Variants in PSMD1 observed in about 807,000 individuals in gnomAD.
The protein encoded by PSMD1 is 26S proteasome non-ATPase regulatory subunit 1.
A neutral mutation model predicts 119.0 loss-of-function variants in PSMD1; 18 were observed. The observed-to-expected ratio is 0.15, with a 90% CI of 0.10 to 0.22. The LOEUF (loss-of-function observed/expected upper bound fraction) is 0.22, where lower values mean the gene tolerates loss of function less well. Ranked by LOEUF, PSMD1 falls within the 10% of genes least tolerant of loss-of-function variation. PSMD1 has a pLI of 1.00. For synonymous variants in PSMD1, 374 were observed against 396.6 expected, an observed-to-expected ratio of 0.94 and a Z score of 0.68; for missense variants, 702 against 1,158.5, an observed-to-expected ratio of 0.61 and a Z score of 5.72.
intron 16 of PSMD1, among the ~76,000 whole-genome samples, chr2:231,099,765 T>C (rs1297024296): frequency 6.6e-6 from 1 of 152,186 alleles, no homozygotes. Context: ...GAGGTTTGTG[T>C]GAGGTTCAAT....
intron 19 of PSMD1, among the ~76,000 whole-genome samples, chr2:231,159,404 T>A (rs1696582254): frequency 6.6e-6 from 1 of 152,166 alleles, no homozygotes; most frequent in Non-Finnish European, 1.5e-5. Context: ...GGACCTACAC[T>A]GTAGTAAGAT....
intron 16 of PSMD1, among the ~76,000 whole-genome samples, chr2:231,118,325 T>A (rs1695414605): frequency 6.6e-6 from 1 of 152,132 alleles, no homozygotes; most frequent in African/African-American, 2.4e-5. Flanking sequence ...ATCATCAGTA[T>A]GAAATAAGAG....
intron 7 of PSMD1, among the ~76,000 whole-genome samples, chr2:231,074,617 T>C (rs547262761): frequency 6.6e-6 from 1 of 152,272 alleles, no homozygotes; most frequent in South Asian, 2.1e-4. Context: ...ATATTTTATG[T>C]AATTTTCCTA....
At position 231,073,332 on chromosome 2, in the gene PSMD1, A is replaced by G. The variant is rs142054186; in HGVS notation, c.881+917A>G. ...CACAAGGACAAAGTGATCACATACT[A>G]TTGGAGAAGTGGCTCCAATAGACTT... On this transcript the variant is annotated intron_variant, in intron 7 of 24. Transcript: ENST00000308696. Among the ~76,000 whole-genome samples, 97 of 152,354 alleles carry G rather than the reference A, an allele frequency of 6.4e-4. 1 individual carries two copies. Among genetic ancestry groups the G allele is most frequent in the East Asian group, 4.6e-3 (24 of 5,194 alleles).
At chr2:231,165,032 A>ATTTT (rs1474100150) in intron 21 of PSMD1, 168 bp from the exon 22 acceptor site, 3 of 23,340 alleles carry the variant, frequency 1.3e-4, no homozygotes, top group Non-Finnish European at 1.9e-4. Flanking sequence ...ATTTATATAT[A>ATTTT]TTTATATATA....
At chr2:231,116,648 TTTTAGTGCTGA>T (rs1197852987) in intron 16 of PSMD1, among the ~76,000 whole-genome samples, 1 of 152,014 alleles carries the variant, frequency 6.6e-6, no homozygotes, top group African/African-American at 2.4e-5. Flanking sequence ...AAGGAAAGTT[TTTTAGTGCTGA>T]TTTAAGTAAC....
chr2:231,064,085 A>G (rs1290903072), intron 4 of PSMD1, among the ~76,000 whole-genome samples: 3 of 152,216 alleles, frequency 2.0e-5, no homozygotes, highest in African/African-American at 7.2e-5. Flanking sequence ...GTGCTATGGC[A>G]TGGTAGATGC....
chr2:231,133,726 A>G (rs993657531), intron 16 of PSMD1: 2 of 152,138 alleles, frequency 1.3e-5, no homozygotes, highest in African/African-American at 2.4e-5. Flanking sequence ...TTTAGTAAAG[A>G]TGGATTAGAG....
intron 16 of PSMD1, among the ~76,000 whole-genome samples, chr2:231,118,904 A>T (rs1695437862): frequency 6.6e-6 from 1 of 152,236 alleles, no homozygotes; most frequent in Admixed American, 6.5e-5. Flanking sequence ...AATACTTCTT[A>T]TGTCCAAAAA....
intron 18 of PSMD1, among the ~76,000 whole-genome samples, chr2:231,148,570 A>T (rs1696300289): frequency 1.3e-5 from 2 of 152,248 alleles, no homozygotes; most frequent in Non-Finnish European, 2.9e-5. Context: ...AAGTGAAGTC[A>T]CAGCTAGTAG....
chr2:231,116,328 A>G (rs1230643675), intron 16 of PSMD1, among the ~76,000 whole-genome samples: 1 of 152,178 alleles, frequency 6.6e-6, no homozygotes, highest in Non-Finnish European at 1.5e-5. Context: ...ATACTCGTCT[A>G]GAGCTATAAT....
intron 16 of PSMD1, among the ~76,000 whole-genome samples, chr2:231,107,428 G>A (rs1355895555): frequency 1.3e-5 from 2 of 152,134 alleles, no homozygotes; most frequent in African/African-American, 4.8e-5. Context: ...GACCCCCTTA[G>A]TCTAAATTTG....
At position 231,080,155 on chromosome 2, in the gene PSMD1, A is replaced by G; in HGVS notation, c.1254A>G (p.Glu418=). Residue 418 remains glutamate (E), a synonymous_variant, in exon 12 of 25, where the codon GAA becomes GAG. Transcript: ENST00000308696. ...TACCTTTACAGGGTCATGAAAAAGA[A>G]GCATTACAGTTAATGGCAACATACC... The part of the protein sequence containing the change: ...LGVIHKGHEK[E]ALQLMATYLP... 1 of 1,608,454 alleles carries G rather than the reference A, an allele frequency of 6.2e-7. No individual in the cohort carries two copies. Among genetic ancestry groups the G allele is most frequent in the Non-Finnish European group, 8.5e-7 (1 of 1,178,056 alleles).
intron 16 of PSMD1, among the ~76,000 whole-genome samples, chr2:231,132,608 ACT>A (rs1449864790): frequency 6.6e-6 from 1 of 151,952 alleles, no homozygotes; most frequent in African/African-American, 2.4e-5. Flanking sequence ...CACTCCACCG[ACT>A]CTCCCCAGCA....
At chr2:231,138,890 C>T (rs751792662) in intron 17 of PSMD1, 40 bp downstream of exon 17, 10 of 1,461,556 alleles carry the variant, frequency 6.8e-6, no homozygotes, top group Non-Finnish European at 9.6e-6. Flanking sequence ...TTTCTTGGCG[C>T]CAGACTGTTT....
chr2:231,162,281 A>G (rs1696659745), intron 20 of PSMD1, among the ~76,000 whole-genome samples: 1 of 152,254 alleles, frequency 6.6e-6, no homozygotes, highest in Admixed American at 6.5e-5. Flanking sequence ...ACATCTGGTC[A>G]TCACTGTTGA....
At chr2:231,101,392 C>G (rs1694863823) in intron 16 of PSMD1, among the ~76,000 whole-genome samples, 3 of 152,164 alleles carry the variant, frequency 2.0e-5, no homozygotes, top group Admixed American at 2.0e-4. Context: ...ATTTTTATAA[C>G]TTTTCCCACC....
chr2:231,118,623 A>G (rs1695426909), intron 16 of PSMD1, among the ~76,000 whole-genome samples: 1 of 152,092 alleles, frequency 6.6e-6, no homozygotes, highest in African/African-American at 2.4e-5. Flanking sequence ...TAGTACAAAA[A>G]CCTGAGGAGT....
intron 16 of PSMD1, among the ~76,000 whole-genome samples, chr2:231,112,597 C>T (rs943578932): frequency 1.3e-5 from 2 of 152,132 alleles, no homozygotes; most frequent in Admixed American, 6.5e-5. Context: ...TTCCAGGTCT[C>T]TTAATTTTTT....
Sources: allele counts gnomAD v4.1 joint callset (sites outside exome capture counted in the v4.1 genomes callset), GRCh38; gene constraint gnomAD v4.1.1; transcripts MANE v1.5; gene names NCBI Gene and HGNC (gene_info 2026-07-23, HGNC 2026-07-21).